Variants in ROBO2 observed in about 807,000 individuals in gnomAD.
ROBO2 encodes the protein roundabout homolog 2.
In ROBO2, 53 loss-of-function variants were observed where a neutral mutation model predicts 160.8. The ratio of observed to expected loss-of-function variants is 0.33; its 90% CI spans 0.26 to 0.41. The LOEUF is 0.41. Among genes scored for constraint, ROBO2 ranks in the 10% least tolerant of loss-of-function variants. The pLI is 1.00. For synonymous variants in ROBO2, 664 were observed against 611.7 expected, an observed-to-expected ratio of 1.09 and a Z score of -1.26; for missense variants, 1,577 against 1,722.4, an observed-to-expected ratio of 0.92 and a Z score of 1.49.
At chr3:76,740,343 T>C (rs1312203375) in intron 2 of ROBO2, among the ~76,000 whole-genome samples, 2 of 152,216 alleles carry the variant, frequency 1.3e-5, no homozygotes, top group Non-Finnish European at 2.9e-5. Context: ...GTCTGTCTGC[T>C]ATGTTGCGTT....
chr3:76,454,730 T>C (rs192561101), intron 2 of ROBO2, among the ~76,000 whole-genome samples: 3 of 152,254 alleles, frequency 2.0e-5, no homozygotes, highest in East Asian at 3.9e-4. Context: ...ATAATTTTTT[T>C]AAACATTGAA....
chr3:76,172,852 T>C (rs1267324425), intron 2 of ROBO2, among the ~76,000 whole-genome samples: 1 of 152,038 alleles, frequency 6.6e-6, no homozygotes, highest in African/African-American at 2.4e-5. Flanking sequence ...ATATAATAAG[T>C]TACATTTTAA....
chr3:76,198,886 C>T (rs1169401101), intron 2 of ROBO2, among the ~76,000 whole-genome samples: 1 of 152,146 alleles, frequency 6.6e-6, no homozygotes, highest in African/African-American at 2.4e-5. Flanking sequence ...AACCAATGTA[C>T]ACCTTGCATG....
chr3:77,089,309 A>G (rs2069799145), intron 1 of ROBO2, among the ~76,000 whole-genome samples: 1 of 152,172 alleles, frequency 6.6e-6, no homozygotes, highest in Admixed American at 6.5e-5. Flanking sequence ...CTCCTCATCT[A>G]TAAAATAAGG....
At chr3:76,151,797 T>C (rs1014338271) in intron 2 of ROBO2, among the ~76,000 whole-genome samples, 2 of 152,170 alleles carry the variant, frequency 1.3e-5, no homozygotes, top group Admixed American at 6.5e-5. Flanking sequence ...CATTTCTGTC[T>C]TTGTTATTAT....
intron 2 of ROBO2, among the ~76,000 whole-genome samples, chr3:76,305,408 A>G (rs1316908902): frequency 1.3e-5 from 2 of 148,380 alleles, no homozygotes; most frequent in African/African-American, 5.0e-5. Flanking sequence ...AAAAAAAAAA[A>G]AAAAAAAAAA....
At chr3:77,143,601 A>G (rs918119056) in intron 2 of ROBO2, among the ~76,000 whole-genome samples, 2 of 152,204 alleles carry the variant, frequency 1.3e-5, no homozygotes, top group Non-Finnish European at 2.9e-5. Context: ...AACTCAGTAT[A>G]TATAAAATCA....
chr3:76,457,951 C>A (rs1421920273), intron 2 of ROBO2, among the ~76,000 whole-genome samples: 1 of 152,106 alleles, frequency 6.6e-6, no homozygotes, highest in Non-Finnish European at 1.5e-5. Context: ...AACCCTGGAC[C>A]TGGCCCACGA....
At chr3:77,011,545 T>A (rs1222506622) in intron 2 of ROBO2, among the ~76,000 whole-genome samples, 6 of 151,868 alleles carry the variant, frequency 4.0e-5, no homozygotes, top group Non-Finnish European at 8.8e-5. Context: ...TTACAAGTGA[T>A]TATAGGGTAA....
At chr3:76,022,753 A>G (rs1011677454) in intron 2 of ROBO2, among the ~76,000 whole-genome samples, 6 of 151,678 alleles carry the variant, frequency 4.0e-5, no homozygotes, top group South Asian at 2.1e-4. Flanking sequence ...AATTTTTACT[A>G]TTTTCAGAAT....
chr3:76,675,066 G>T (rs137967596), intron 2 of ROBO2, among the ~76,000 whole-genome samples: 1 of 152,160 alleles, frequency 6.6e-6, no homozygotes, highest in African/African-American at 2.4e-5. Context: ...GGGCTGAAAA[G>T]CAGCCCATAG....
At chr3:75,922,548 C>G (rs1559753717) in intron 1 of ROBO2, among the ~76,000 whole-genome samples, 1 of 151,536 alleles carries the variant, frequency 6.6e-6, no homozygotes, top group African/African-American at 2.4e-5. Flanking sequence ...GATTAGTAGT[C>G]CAATAAAAAA....
At chr3:77,430,097 G>A (rs895933863) in intron 2 of ROBO2, among the ~76,000 whole-genome samples, 1 of 152,150 alleles carries the variant, frequency 6.6e-6, no homozygotes, top group Non-Finnish European at 1.5e-5. Flanking sequence ...TTACCAGCTT[G>A]CAATCCATTC....
intron 2 of ROBO2, among the ~76,000 whole-genome samples, chr3:76,639,487 CACAT>C (rs2090534640): frequency 6.6e-6 from 1 of 151,394 alleles, no homozygotes; most frequent in Admixed American, 6.6e-5. Flanking sequence ...CACACACACA[CACAT>C]ATCCCCAAAC....
At chr3:76,907,823 G>GGGGT (rs112697690) in intron 2 of ROBO2, among the ~76,000 whole-genome samples, 122 of 145,524 alleles carry the variant, frequency 8.4e-4, no homozygotes, top group African/African-American at 2.1e-3. Flanking sequence ...GTTTGTTTGG[G>GGGGT]GTGTGTGTGT....
intron 2 of ROBO2, among the ~76,000 whole-genome samples, chr3:76,846,616 T>A (rs896577377): frequency 6.6e-6 from 1 of 152,112 alleles, no homozygotes; most frequent in Non-Finnish European, 1.5e-5. Context: ...CTAGAAGTGG[T>A]TTTTAAAAGA....
At chr3:77,196,548 T>A (rs1053559553) in intron 2 of ROBO2, among the ~76,000 whole-genome samples, 8 of 152,112 alleles carry the variant, frequency 5.3e-5, no homozygotes, top group Non-Finnish European at 2.9e-5. Flanking sequence ...TATGTTTTGC[T>A]CTTTTATACT....
chr3:76,398,215 T>TA (rs2077584117), intron 2 of ROBO2, among the ~76,000 whole-genome samples: 1 of 151,260 alleles, frequency 6.6e-6, no homozygotes, highest in Admixed American at 6.6e-5. Context: ...TTCAGTAAAC[T>TA]ATCGCAAGGA....
At chr3:77,572,779 G>A (rs960431044) in intron 13 of ROBO2, among the ~76,000 whole-genome samples, 1 of 151,520 alleles carries the variant, frequency 6.6e-6, no homozygotes, top group Admixed American at 6.6e-5. Flanking sequence ...AATATTTTTA[G>A]CTAACATTCA....
Sources: allele counts gnomAD v4.1 joint callset (sites outside exome capture counted in the v4.1 genomes callset), GRCh38; gene constraint gnomAD v4.1.1; transcripts MANE v1.5; gene names NCBI Gene and HGNC (gene_info 2026-07-23, HGNC 2026-07-21).